The following CLN3 variants were observed in gnomAD, a reference collection of about 807,000 sequenced individuals.
CLN3 encodes the protein CLN3 lysosomal/endosomal transmembrane protein, battenin.
In CLN3, 49 loss-of-function variants were observed where a neutral mutation model predicts 60.7. The ratio of observed to expected loss-of-function variants is 0.81; its 90% CI spans 0.64 to 1.02. The LOEUF (loss-of-function observed/expected upper bound fraction) is 1.02, where lower values mean the gene tolerates loss of function less well. Ranked by LOEUF, CLN3 falls within the 50% of genes least tolerant of loss-of-function variation. CLN3 has a pLI of 0.00. For missense variants in CLN3, 516 were observed against 557.4 expected (o/e 0.93, Z 0.75); for synonymous variants, 256 against 245.8 (o/e 1.04, Z -0.39).
At chr16:28,475,908 CAG>C (rs1401826455), downstream of CLN3, 4 of 141,602 alleles carry the variant, frequency 2.8e-5, no homozygotes, top group African/African-American at 8.0e-5. Context: ...TTTTTTGAGA[CAG>C]AGTCTTGCTC....
the CLN3 span, among the ~76,000 whole-genome samples, chr16:28,468,531 G>A: frequency 1.5e-3 from 222 of 143,912 alleles, 6 homozygotes; most frequent in South Asian, 0.047. Flanking sequence ...AAGGTGGGCC[G>A]GGTGTGGTGG....
At chr16:28,487,390 T>A in intron 7 of CLN3, 66 bp downstream of exon 7, 1 of 1,315,272 alleles carries the variant, frequency 7.6e-7, no homozygotes, top group South Asian at 1.2e-5. Flanking sequence ...CTGGGGAGAC[T>A]CTTCCCACAA....
chr16:28,483,546 A>G (rs1194473665), intron 10 of CLN3, among the ~76,000 whole-genome samples: 1 of 151,598 alleles, frequency 6.6e-6, no homozygotes, highest in African/African-American at 2.4e-5. Context: ...AGCTCCACAG[A>G]TGGCCATTGG....
rs1279266362 is a variant in CLN3 at position 28,477,529 on chromosome 16, C to CAG, written c.1302_1303dup (p.Cys435SerfsTer78). ...GGATCCCGAGTATCAGGAGAGCTGG[C>CAG]AGAGGAAGTCATGCAGAGGCAAAGC... On this transcript the variant is annotated frameshift_variant, in exon 16 of 16. Transcript: ENST00000636147. LOFTEE classifies it high-confidence loss of function. The CAG allele has an allele frequency of 6.2e-7, 1 of 1,613,410 alleles. No homozygotes were observed. Among genetic ancestry groups the CAG allele is most frequent in the East Asian group, 2.2e-5 (1 of 44,886 alleles).
intron 9 of CLN3, 23 bp from the exon 10 acceptor site, chr16:28,484,141 G>T: frequency 6.4e-7 from 1 of 1,564,982 alleles, no homozygotes; most frequent in Non-Finnish European, 8.7e-7. Flanking sequence ...TGAAGGCAGG[G>T]TCAGAAAACC....
Position 28,482,561 on chromosome 16 carries a change from G to A in CLN3, c.838-16C>T. On this transcript the variant is annotated splice_polypyrimidine_tract_variant and intron_variant, in intron 11 of 15. Coordinates refer to ENST00000636147, the MANE Select transcript of CLN3 (RefSeq NM_001042432.2). ...ACAGCAGACCCTGGAAAAGGCAGAAGATATAAGCGGGGGGCCTGGAGGTGA... is the reference window on the plus strand; with the variant it reads ...ACAGCAGACCCTGGAAAAGGCAGAAAATATAAGCGGGGGGCCTGGAGGTGA... 1 of 1,614,128 alleles carries A rather than the reference G, an allele frequency of 6.2e-7. No homozygotes were observed.
At chr16:28,479,228 G>A (rs779247844) in intron 14 of CLN3, among the ~76,000 whole-genome samples, 3 of 152,208 alleles carry the variant, frequency 2.0e-5, no homozygotes, top group East Asian at 1.9e-4. Context: ...TGCCCCAAGC[G>A]GGGCTTACCC....
chr16:28,491,407 C>T, intron 3 of CLN3, 75 bp downstream of exon 3: 2 of 1,566,170 alleles, frequency 1.3e-6, no homozygotes, highest in Non-Finnish European at 1.7e-6. Flanking sequence ...CAGCTTAACT[C>T]TTTCTTCCCC....
intron 5 of CLN3, 58 bp downstream of exon 5, chr16:28,488,533 G>C: frequency 6.8e-7 from 1 of 1,473,740 alleles, no homozygotes; most frequent in Non-Finnish European, 9.5e-7. Context: ...GCTGGGAGTG[G>C]GGTCTATAGA....
At chr16:28,490,304 TC>T (rs1268158775) in intron 3 of CLN3, 1 of 151,568 alleles carries the variant, frequency 6.6e-6, no homozygotes, top group Non-Finnish European at 1.5e-5. Flanking sequence ...ATTAGCTGTG[TC>T]TGGTGGCACG....
intron 4 of CLN3, 94 bp downstream of exon 4, chr16:28,489,196 C>T: frequency 2.0e-6 from 2 of 976,976 alleles, no homozygotes; most frequent in South Asian, 1.4e-5. Context: ...GCCACTGTGC[C>T]CAGCCAGAGA....
intron 5 of CLN3, 137 bp downstream of exon 5, chr16:28,488,454 T>G: frequency 1.4e-6 from 1 of 723,070 alleles, no homozygotes; most frequent in Non-Finnish European, 2.4e-6. Context: ...GGATTACAAG[T>G]GTGAGCCAGT....
rs776890506 is a variant in CLN3, at chr16:28,484,044, T to G, written c.752A>C (p.Gln251Pro). ...GEEEAESAAR[Q>P]PLIRTEAPES... ...CGGGGCCTCGGTTCTTATGAGGGGCTGCCGGGCTGCGCTCTCTGCTTCTTC... is the reference window on the plus strand; with the variant it reads ...CGGGGCCTCGGTTCTTATGAGGGGCGGCCGGGCTGCGCTCTCTGCTTCTTC... Residue 251 changes from glutamine to proline, a missense_variant, in exon 10 of 16, where the codon CAG becomes CCG. Physicochemically the swap from Gln to Pro is moderately conservative, Grantham distance 76. Coordinates refer to ENST00000636147, the MANE Select transcript of CLN3 (RefSeq NM_001042432.2). The G allele has an allele frequency of 6.2e-7, 1 of 1,612,234 alleles. No homozygotes were observed. Among genetic ancestry groups the G allele is most frequent in the Non-Finnish European group, 8.5e-7 (1 of 1,179,338 alleles).
intron 10 of CLN3, among the ~76,000 whole-genome samples, chr16:28,482,965 G>A (rs913647322): frequency 2.6e-5 from 4 of 151,984 alleles, no homozygotes; most frequent in African/African-American, 7.2e-5. Flanking sequence ...TTAGCCATGT[G>A]TGGTGGCAGG....
intron 10 of CLN3, among the ~76,000 whole-genome samples, chr16:28,483,403 G>A (rs1343103139): frequency 6.6e-6 from 1 of 151,950 alleles, no homozygotes; most frequent in Non-Finnish European, 1.5e-5. Context: ...TTTATTTTTA[G>A]TAGAGACGGG....
At chr16:28,486,091 G>C (rs1174339101) in intron 9 of CLN3, among the ~76,000 whole-genome samples, 1 of 151,922 alleles carries the variant, frequency 6.6e-6, no homozygotes, top group African/African-American at 2.4e-5. Flanking sequence ...ACTGCCTCCG[G>C]GGTTCAAGCG....
At position 28,477,394 on chromosome 16, in the gene CLN3, T is replaced by C; in HGVS notation, c.*122A>G. The stretch of plus-strand genomic sequence containing the variant: ...AAACAAGGCTTCAGCCCTTCCCTAC[T>C]CCCAGACCTGCCGGGAAGGCTGGGA... On this transcript the variant is annotated 3_prime_UTR_variant, in exon 16 of 16. Transcript: ENST00000636147. 1 of 1,379,224 alleles carries C rather than the reference T, an allele frequency of 7.3e-7. No individual in the cohort carries two copies. The highest frequency in any genetic ancestry group is 1.0e-6 in the Non-Finnish European group (1 of 983,656). The allele number at this position is 1,379,224 out of a possible 1,614,324, so 85.4% of individuals were successfully genotyped here.
chr16:28,488,608 T>C lies in CLN3; in HGVS notation c.277A>G (p.Asn93Asp), dbSNP rs761369095. 7.4e-6 allele frequency: 12 copies of C among 1,614,046 alleles called. No individual in the cohort carries two copies. Among genetic ancestry groups the C allele is most frequent in the African/African-American group, 1.3e-5 (1 of 74,934 alleles). ...PHNSSSRFDC[N>D]SVSTAAVLLA... ...GTACGCACAGCCGTAGAGACAGAGT[T>C]GCAGTCAAATCGTGATGAGCTGTTG... is the stretch of plus-strand genomic sequence containing the variant. Residue 93 changes from asparagine (N) to aspartate (D), a missense_variant, in exon 5 of 16, where the codon AAC becomes GAC. Transcript: ENST00000636147.
Position 28,486,454 on chromosome 16 carries a change from T to TC in CLN3, c.569dup (p.Ala191SerfsTer45), listed in dbSNP as rs386833732. The stretch of plus-strand genomic sequence containing the variant: ...AGGACAGGGCCCCCAGCAGCCCAGC[T>TC]CCCCCAGTCCCTGAGGACCACCAGG... On this transcript the variant is annotated frameshift_variant, in exon 9 of 16. Transcript: ENST00000636147. LOFTEE classifies it high-confidence loss of function. The TC allele has an allele frequency of 6.2e-7, 1 of 1,612,944 alleles. No homozygotes were observed. The highest frequency in any genetic ancestry group is 8.5e-7 in the Non-Finnish European group (1 of 1,179,738).
Sources: allele counts gnomAD v4.1 joint callset (sites outside exome capture counted in the v4.1 genomes callset), GRCh38; gene constraint gnomAD v4.1.1; transcripts MANE v1.5; gene names NCBI Gene and HGNC (gene_info 2026-07-23, HGNC 2026-07-21).